Variants in UGGT2 observed in about 807,000 individuals in gnomAD.
UGGT2 encodes UDP-glucose glycoprotein glucosyltransferase 2.
In UGGT2, 180 loss-of-function variants were observed where a neutral mutation model predicts 192.1. The observed-to-expected ratio is 0.94, with a 90% CI of 0.83 to 1.06. UGGT2 has a LOEUF of 1.06. Among genes scored for constraint, UGGT2 ranks in the 50% least tolerant of loss-of-function variants. UGGT2 has a pLI of 0.00. For synonymous variants in UGGT2, 580 were observed against 591.0 expected (o/e 0.98, Z 0.27); for missense variants, 1,849 against 1,795.7 (o/e 1.03, Z -0.54).
intron 4 of UGGT2, among the ~76,000 whole-genome samples, chr13:96,017,033 C>T (rs1002437398): frequency 6.6e-6 from 1 of 152,230 alleles, no homozygotes; most frequent in Admixed American, 6.5e-5. Context: ...GTGTTTCAGA[C>T]TTGCATGGGG....
chr13:95,991,515 T>C lies in UGGT2; in HGVS notation c.831-1442A>G, dbSNP rs192128731. Reference sequence around the variant, plus strand: ...AAAAAATACAGAATATACATAAATATGGTAATCTTATAGTTACGAATAAAT... The same window carrying C: ...AAAAAATACAGAATATACATAAATACGGTAATCTTATAGTTACGAATAAAT... On this transcript the variant is annotated intron_variant, in intron 7 of 38. Coordinates refer to ENST00000376747, the MANE Select transcript of UGGT2 (RefSeq NM_020121.4). 15 of 450,656 alleles carry C rather than the reference T, an allele frequency of 3.3e-5. No homozygotes were observed. The East Asian group carries it at 8.4e-4, about 25-fold the overall frequency. 27.9% of individuals were successfully genotyped at this position (450,656 alleles called of 1,614,324 possible). A position where few individuals can be genotyped will look rare whatever the true frequency, so the allele number is the denominator to read the frequency against.
chr13:96,024,739 A>C (rs768625739), intron 2 of UGGT2, among the ~76,000 whole-genome samples: 2 of 152,140 alleles, frequency 1.3e-5, no homozygotes, highest in African/African-American at 2.4e-5. Context: ...AAAAGAACAG[A>C]GTTGAGGTAG....
chr13:95,825,423 C>G lies in UGGT2; in HGVS notation c.4528+7504G>C, dbSNP rs1257351114. ...GAGCCACCTCAGCTTCCTTGCCAGG[C>G]CAAGCAAGAAAGCTATCCAACTCCC... On this transcript the variant is annotated intron_variant, in intron 38 of 38. Transcript: ENST00000376747. 2.0e-5 allele frequency among the ~76,000 whole-genome samples: 3 copies of G among 152,128 alleles called. No individual in the cohort carries two copies. The East Asian group carries it at 5.8e-4, about 29-fold the overall frequency.
chr13:95,995,664 G>C (rs2051594456), intron 7 of UGGT2, among the ~76,000 whole-genome samples: 1 of 151,916 alleles, frequency 6.6e-6, no homozygotes, highest in Non-Finnish European at 1.5e-5. Context: ...CTGTTCTATG[G>C]GACTGTTTCA....
At chr13:95,916,992 G>A (rs932320847) in intron 20 of UGGT2, among the ~76,000 whole-genome samples, 6 of 152,042 alleles carry the variant, frequency 3.9e-5, no homozygotes, top group African/African-American at 1.4e-4. Context: ...TCATCCAGGA[G>A]AACTTCCCCA....
At chr13:95,866,855 T>G (rs1241517224) in intron 30 of UGGT2, among the ~76,000 whole-genome samples, 5 of 151,264 alleles carry the variant, frequency 3.3e-5, no homozygotes, top group Non-Finnish European at 5.9e-5. Context: ...GGTTTCCTTA[T>G]TATCCTTATT....
intron 5 of UGGT2, among the ~76,000 whole-genome samples, chr13:96,000,382 G>A (rs1162892139): frequency 6.6e-6 from 1 of 152,146 alleles, no homozygotes; most frequent in Admixed American, 6.5e-5. Context: ...CTATTTCCAG[G>A]TAAGAATATG....
intron 5 of UGGT2, among the ~76,000 whole-genome samples, chr13:95,999,790 C>A (rs1008500556): frequency 6.6e-6 from 1 of 152,048 alleles, no homozygotes; most frequent in Non-Finnish European, 1.5e-5. Context: ...AAGTTAGTGC[C>A]GTGAAATACC....
intron 30 of UGGT2, among the ~76,000 whole-genome samples, chr13:95,864,862 A>G (rs937997176): frequency 7.2e-5 from 11 of 152,230 alleles, no homozygotes; most frequent in Non-Finnish European, 1.5e-4. Flanking sequence ...AAGAAAGGGT[A>G]TGAAAAATAA....
At chr13:96,017,561 A>G (rs1472632879) in intron 4 of UGGT2, among the ~76,000 whole-genome samples, 1 of 152,202 alleles carries the variant, frequency 6.6e-6, no homozygotes, top group Non-Finnish European at 1.5e-5. Context: ...TAGTAACACA[A>G]AAACAGCCTA....
chr13:95,902,605 T>A (rs996060924), intron 21 of UGGT2, among the ~76,000 whole-genome samples: 10 of 151,886 alleles, frequency 6.6e-5, no homozygotes, highest in African/African-American at 1.7e-4. Context: ...TAAGTACATA[T>A]CCTAACTAGA....
chr13:95,875,113 T>C (rs1169673636), intron 29 of UGGT2, among the ~76,000 whole-genome samples: 1 of 152,234 alleles, frequency 6.6e-6, no homozygotes, highest in Non-Finnish European at 1.5e-5. Context: ...ACACTTGATA[T>C]CGTCATTCTT....
chr13:95,921,817 T>C (rs2048853894), intron 20 of UGGT2, among the ~76,000 whole-genome samples: 1 of 152,148 alleles, frequency 6.6e-6, no homozygotes, highest in South Asian at 2.1e-4. Context: ...AGGGAATGCC[T>C]AAACACAGTG....
At chr13:95,926,025 G>A (rs765554087) in intron 19 of UGGT2, among the ~76,000 whole-genome samples, 5 of 151,864 alleles carry the variant, frequency 3.3e-5, no homozygotes, top group Admixed American at 2.6e-4. Flanking sequence ...TAAAGCTTCC[G>A]GTTAGAAGAG....
chr13:96,005,573 G>A (rs916728068), intron 5 of UGGT2, among the ~76,000 whole-genome samples: 2 of 152,192 alleles, frequency 1.3e-5, no homozygotes, highest in African/African-American at 4.8e-5. Flanking sequence ...ACTGGTGGAA[G>A]CCCACTGAAG....
chr13:95,818,782 C>A (rs762724235), intron 38 of UGGT2, among the ~76,000 whole-genome samples: 1 of 151,934 alleles, frequency 6.6e-6, no homozygotes, highest in African/African-American at 2.4e-5. Flanking sequence ...GCTATAGTGG[C>A]GTCACCTGGG....
chr13:95,865,622 C>T (rs1890589595), intron 30 of UGGT2, among the ~76,000 whole-genome samples: 1 of 152,142 alleles, frequency 6.6e-6, no homozygotes, highest in Non-Finnish European at 1.5e-5. Context: ...CAAGATCGGG[C>T]CACTGAACTC....
chr13:95,849,609 A>G (rs1888823766), intron 36 of UGGT2, among the ~76,000 whole-genome samples: 1 of 149,912 alleles, frequency 6.7e-6, no homozygotes, highest in Non-Finnish European at 1.5e-5. Context: ...ACTTTCTTTT[A>G]TTATATTTAT....
intron 15 of UGGT2, among the ~76,000 whole-genome samples, chr13:95,944,792 G>T (rs1170354922): frequency 6.6e-6 from 1 of 151,808 alleles, no homozygotes; most frequent in East Asian, 1.9e-4. Flanking sequence ...TTCTCTGATT[G>T]TTGGATATTA....
Sources: gnomAD v4.1 joint callset for allele counts (sites outside exome capture counted in the v4.1 genomes callset) on GRCh38, gnomAD v4.1.1 for gene constraint, MANE v1.5 for transcripts, NCBI Gene and HGNC (gene_info 2026-07-23, HGNC 2026-07-21) for gene names.